CHLSN: variants seen among roughly 807,000 people sequenced by gnomAD.
The protein encoded by CHLSN is cholesin.
chr7:1,130,852 G>A, the CHLSN span, among the ~76,000 whole-genome samples: 4 of 152,270 alleles, frequency 2.6e-5, no homozygotes, highest in Non-Finnish European at 5.9e-5. Context: ...AAAGGACCAC[G>A]TCAGTAAGCC....
chr7:1,082,322 T>C, the CHLSN span: 101,958 of 152,252 alleles, frequency 0.67, 34,978 homozygotes, highest in African/African-American at 0.81. Context: ...CGGCGCCCTG[T>C]GTGCCTGGGG....
the CHLSN span, among the ~76,000 whole-genome samples, chr7:1,033,590 C>T: frequency 1.3e-5 from 2 of 152,064 alleles, no homozygotes; most frequent in African/African-American, 4.8e-5. Flanking sequence ...CGATATAATG[C>T]ACCCTATCAA....
the CHLSN span, chr7:1,057,902 C>T: frequency 5.5e-5 from 43 of 776,130 alleles, no homozygotes; most frequent in Admixed American, 3.0e-4. Context: ...ACCACTACAT[C>T]GAGCGTGCAC....
At chr7:1,059,577 C>G in the CHLSN span, among the ~76,000 whole-genome samples, 1 of 84,700 alleles carries the variant, frequency 1.2e-5, no homozygotes, top group Non-Finnish European at 2.5e-5. Context: ...TGAGGCGGTT[C>G]CTAGTGAGGC....
chr7:997,679 G>C, the CHLSN span: 1 of 1,610,456 alleles, frequency 6.2e-7, no homozygotes, highest in Non-Finnish European at 8.5e-7. Context: ...CCGGCAGGGG[G>C]GGATCAGAGC....
chr7:1,087,094 G>A, the CHLSN span: 3 of 152,256 alleles, frequency 2.0e-5, no homozygotes, highest in Non-Finnish European at 4.4e-5. Flanking sequence ...GGGCGCACTC[G>A]GAAGTGGCCG....
the CHLSN span, chr7:1,010,168 C>A: frequency 6.3e-7 from 1 of 1,592,676 alleles, no homozygotes. Flanking sequence ...ACACATTAGG[C>A]TTCGGGGATG....
chr7:1,111,985 C>A, the CHLSN span, among the ~76,000 whole-genome samples: 1 of 152,196 alleles, frequency 6.6e-6, no homozygotes, highest in African/African-American at 2.4e-5. Context: ...CCATAAATTT[C>A]TCTGTATTTT....
At chr7:1,022,161 TG>T in the CHLSN span, among the ~76,000 whole-genome samples, 1 of 152,140 alleles carries the variant, frequency 6.6e-6, no homozygotes, top group Admixed American at 6.5e-5. Flanking sequence ...TGAGCCACGG[TG>T]GTGACGGCAG....
At chr7:1,099,154 G>A in the CHLSN span, among the ~76,000 whole-genome samples, 6 of 131,936 alleles carry the variant, frequency 4.5e-5, no homozygotes, top group African/African-American at 1.5e-4. Context: ...CCGGAGCCTC[G>A]CTGTCGCGTT....
At chr7:1,081,180 C>T in the CHLSN span, among the ~76,000 whole-genome samples, 5 of 152,366 alleles carry the variant, frequency 3.3e-5, no homozygotes, top group South Asian at 4.1e-4. Flanking sequence ...GGGCCGGGGA[C>T]GGTGCCGGGC....
the CHLSN span, chr7:1,055,350 C>G: frequency 4.2e-6 from 2 of 471,050 alleles, no homozygotes; most frequent in Non-Finnish European, 8.8e-6. Flanking sequence ...TGATAAGAGC[C>G]TGCGGGTTTG....
the CHLSN span, chr7:1,055,380 G>A: frequency 3.0e-5 from 14 of 470,540 alleles, no homozygotes; most frequent in South Asian, 4.6e-5. Context: ...GCAGCAGCGC[G>A]CAGGTCCTCA....
the CHLSN span, among the ~76,000 whole-genome samples, chr7:1,103,711 C>A: frequency 6.6e-6 from 1 of 152,220 alleles, no homozygotes; most frequent in African/African-American, 2.4e-5. Flanking sequence ...ACGTCCCCAC[C>A]CTGCACAGGA....
the CHLSN span, among the ~76,000 whole-genome samples, chr7:1,077,328 TG>T: frequency 6.6e-6 from 1 of 152,200 alleles, no homozygotes; most frequent in South Asian, 2.1e-4. Flanking sequence ...GCTAATTTTT[TG>T]TATTTTTAGC....
At chr7:1,093,348 G>C in the CHLSN span, 1 of 424,630 alleles carries the variant, frequency 2.4e-6, no homozygotes, top group Non-Finnish European at 5.0e-6. Flanking sequence ...TGTGTCCTCT[G>C]TGCCCACGGT....
the CHLSN span, among the ~76,000 whole-genome samples, chr7:1,006,537 A>G: frequency 0.14 from 7,249 of 52,478 alleles, 1,109 homozygotes; most frequent in African/African-American, 0.26. Flanking sequence ...GGGAAAGAGC[A>G]CACGACGGCC....
chr7:1,010,013 A>C, the CHLSN span: 1 of 1,602,458 alleles, frequency 6.2e-7, no homozygotes, highest in African/African-American at 1.3e-5. Context: ...CTGGGCCACA[A>C]GGCCTGCCTC....
At chr7:1,066,094 C>A in the CHLSN span, among the ~76,000 whole-genome samples, 1 of 152,214 alleles carries the variant, frequency 6.6e-6, no homozygotes. Context: ...GGTGAGTTCC[C>A]GCCACGGCTT....
Sources: allele counts gnomAD v4.1 joint callset (sites outside exome capture counted in the v4.1 genomes callset), GRCh38; gene constraint gnomAD v4.1.1; transcripts MANE v1.5; gene names NCBI Gene and HGNC (gene_info 2026-07-23, HGNC 2026-07-21).